The following DGCR8 variants were observed in gnomAD, a reference collection of about 807,000 sequenced individuals.
DGCR8 encodes the protein microprocessor complex subunit DGCR8.
DGCR8 carries 14 observed loss-of-function variants against 78.5 expected under a neutral mutation model. That is an observed-to-expected ratio of 0.18 (90% CI 0.12 to 0.28). The LOEUF is 0.28. Among genes scored for constraint, DGCR8 ranks in the 10% least tolerant of loss-of-function variants. The pLI, the probability that DGCR8 is intolerant of heterozygous loss-of-function variation, is 1.00. For synonymous variants in DGCR8, 399 were observed against 402.4 expected (o/e 0.99, Z 0.10); for missense variants, 702 against 1,022.5 (o/e 0.69, Z 4.28).
chr22:20,101,486 G>A, intron 9 of DGCR8: 17 of 804,500 alleles, frequency 2.1e-5, no homozygotes, highest in Non-Finnish European at 2.6e-5. Context: ...GCTGAGGCAG[G>A]AGAATGGCGT....
rs190768435 is a variant in DGCR8, at chr22:20,089,876, A to T, written c.1023+65A>T. The T allele has an allele frequency of 6.3e-7, 1 of 1,599,378 alleles. No individual in the cohort carries two copies. Among genetic ancestry groups the T allele is most frequent in the East Asian group, 2.2e-5 (1 of 44,672 alleles). ...CTCAGACCAAAACGTGCACATCCAC[A>T]CACATGGCACCGCAGCCAAGCAGAG... On this transcript the variant is annotated intron_variant, in intron 4 of 13. Coordinates refer to ENST00000351989, the MANE Select transcript of DGCR8 (RefSeq NM_022720.7). This position sits in a 1 kb window ranked among gnomAD's most constrained non-coding sequence, Gnocchi z 4.9.
At position 20,086,923 on chromosome 22, in the gene DGCR8, G is replaced by C; in HGVS notation, c.721-239G>C. The C allele has an allele frequency of 1.4e-6, 1 of 726,386 alleles. No homozygotes were observed. The highest frequency in any genetic ancestry group is 2.2e-6 in the Non-Finnish European group (1 of 457,952). The allele number at this position is 726,386 out of a possible 1,614,324, so 45.0% of individuals were successfully genotyped here. On this transcript the variant is annotated intron_variant, in intron 2 of 13. Coordinates refer to ENST00000351989, the MANE Select transcript of DGCR8 (RefSeq NM_022720.7). This position sits in a 1 kb window ranked among gnomAD's most constrained non-coding sequence, Gnocchi z 6.4. Reference sequence around the variant, plus strand: ...CCCTGCATCCCTGATCTAGCGCGTGGGGCAGCAGGTGCTGCTGAGTTACGC... The same window carrying C: ...CCCTGCATCCCTGATCTAGCGCGTGCGGCAGCAGGTGCTGCTGAGTTACGC...
chr22:20,095,959 A>G (rs1030487220), intron 9 of DGCR8, among the ~76,000 whole-genome samples: 2 of 149,346 alleles, frequency 1.3e-5, no homozygotes, highest in African/African-American at 4.8e-5. Flanking sequence ...TGAGAATCTA[A>G]TGCTACTGCT....
chr22:20,081,449 A>G (rs1038334394), intron 1 of DGCR8, among the ~76,000 whole-genome samples: 1 of 152,218 alleles, frequency 6.6e-6, no homozygotes, highest in Non-Finnish European at 1.5e-5. Flanking sequence ...GTGTTTGGTC[A>G]GCTGGAGCAG....
intron 12 of DGCR8, chr22:20,107,643 A>C: frequency 1.9e-6 from 1 of 530,836 alleles, no homozygotes; most frequent in Non-Finnish European, 3.4e-6. Flanking sequence ...GGGCCCAGCT[A>C]TGTGGCTTGT....
rs191006280 is a variant in DGCR8 at position 20,111,657 on chromosome 22, C to T, written c.*1549C>T. ...GGGAGCCTCGCTGTGTCTTGCTGTT[C>T]CCAGGCACCACCACAGCAGGTGCTG... On this transcript the variant is annotated 3_prime_UTR_variant, in exon 14 of 14. Coordinates refer to ENST00000351989, the MANE Select transcript of DGCR8 (RefSeq NM_022720.7). 709 of 314,296 alleles carry T rather than the reference C, an allele frequency of 2.3e-3. No individual in the cohort carries two copies. Among genetic ancestry groups the T allele is most frequent in the Non-Finnish European group, 2.7e-3 (474 of 173,754 alleles). 19.5% of individuals were successfully genotyped at this position (314,296 alleles called of 1,614,324 possible).
intron 1 of DGCR8, 60 bp downstream of exon 1, chr22:20,080,443 A>G (rs1354948839): frequency 1.0e-6 from 1 of 978,556 alleles, no homozygotes. Flanking sequence ...GGCCTGCGCG[A>G]GGGCGCGCCC....
At chr22:20,081,493 A>T (rs2049417726) in intron 1 of DGCR8, among the ~76,000 whole-genome samples, 1 of 152,124 alleles carries the variant, frequency 6.6e-6, no homozygotes, top group South Asian at 2.1e-4. Flanking sequence ...CTCCCCTTTG[A>T]GCCCTTTGCG....
chr22:20,091,796 C>A, intron 6 of DGCR8, 73 bp from the exon 7 acceptor site: 1 of 1,506,662 alleles, frequency 6.6e-7, no homozygotes, highest in Non-Finnish European at 9.2e-7. Context: ...TAGTTACTGA[C>A]ATGGTAACAG....
chr22:20,091,406 A>G (rs2049558405), intron 5 of DGCR8, 29 bp from the exon 6 acceptor site: 11 of 1,611,812 alleles, frequency 6.8e-6, no homozygotes, highest in Non-Finnish European at 9.3e-6. Flanking sequence ...GAAGTTAAGT[A>G]ATTTGTTTCT....
intron 12 of DGCR8, chr22:20,108,597 C>G: frequency 3.2e-6 from 1 of 312,444 alleles, no homozygotes; most frequent in South Asian, 3.0e-5. Context: ...GCACCACGAG[C>G]ACCTCACCTC....
At chr22:20,098,005 TAATTGCA>T (rs2049650005) in intron 9 of DGCR8, among the ~76,000 whole-genome samples, 1 of 150,866 alleles carries the variant, frequency 6.6e-6, no homozygotes, top group African/African-American at 2.4e-5. Context: ...TGGGCACCTG[TAATTGCA>T]GCTACCCGGG....
chr22:20,108,804 GGGTC>G, intron 12 of DGCR8, 82 bp from the exon 13 acceptor site: 4 of 288,714 alleles, frequency 1.4e-5, no homozygotes, highest in Non-Finnish European at 1.8e-5. Context: ...CCTGCCTTCA[GGGTC>G]CCAGGCACAC....
Position 20,085,122 on chromosome 22 carries a change from A to T in DGCR8, c.-277-565A>T, listed in dbSNP as rs1315126218. 1.2e-6 allele frequency: 1 copy of T among 832,128 alleles called. No individual in the cohort carries two copies. Among genetic ancestry groups the T allele is most frequent in the Non-Finnish European group, 1.4e-6 (1 of 690,044 alleles). The allele number at this position is 832,128 out of a possible 1,614,324, so 51.5% of individuals were successfully genotyped here. On this transcript the variant is annotated intron_variant, in intron 1 of 13. Transcript: ENST00000351989. This position sits in a 1 kb window ranked among gnomAD's most constrained non-coding sequence, Gnocchi z 6.2. ...TCTGGTGACCTCAGCACGCTGCATC[A>T]CTGTCCCCGTCCACGTGCTACCCTG... is the stretch of plus-strand genomic sequence containing the variant.
chr22:20,111,287 G>T lies in DGCR8; in HGVS notation c.*1179G>T, dbSNP rs745512406. The T allele has an allele frequency of 2.5e-6, 1 of 398,786 alleles. No individual in the cohort carries two copies. Among genetic ancestry groups the T allele is most frequent in the Non-Finnish European group, 4.4e-6 (1 of 226,122 alleles). The allele number at this position is 398,786 out of a possible 1,614,324, so 24.7% of individuals were successfully genotyped here. ...GTGCAGAGTGCCGTGTGCTTGTGGT[G>T]CGCCATCTGAAGCAAGAGTCCAGCG... On this transcript the variant is annotated 3_prime_UTR_variant, in exon 14 of 14. Transcript: ENST00000351989.
At position 20,110,057 on chromosome 22, in the gene DGCR8, T is replaced by C. The variant is rs750484563; in HGVS notation, c.2271T>C (p.Ile757=). 7.2e-5 allele frequency: 116 copies of C among 1,613,406 alleles called. No homozygotes were observed. Among genetic ancestry groups the C allele is most frequent in the Admixed American group, 1.7e-4 (10 of 60,010 alleles). Residue 757 remains isoleucine (I), a synonymous_variant, in exon 14 of 14, where the codon ATT becomes ATC. Transcript: ENST00000351989. ...EETRKKPKMS[I]VASAQPGGEP... The stretch of plus-strand genomic sequence containing the variant: ...CTCGAAAGAAGCCCAAGATGTCCAT[T>C]GTGGCGTCCGCCCAGCCTGGCGGTG...
intron 8 of DGCR8, among the ~76,000 whole-genome samples, chr22:20,093,536 C>G (rs577078504): frequency 1.3e-5 from 2 of 152,276 alleles, no homozygotes; most frequent in African/African-American, 4.8e-5. Flanking sequence ...TGCTGTAGTG[C>G]TTGTTTGTTT....
rs1376084707 is a variant in DGCR8, at chr22:20,111,236, C to T, written c.*1128C>T. 7.5e-6 allele frequency: 3 copies of T among 398,776 alleles called. No individual in the cohort carries two copies. The highest frequency in any genetic ancestry group is 1.3e-5 in the Non-Finnish European group (3 of 226,086). The allele number at this position is 398,776 out of a possible 1,614,324, so 24.7% of individuals were successfully genotyped here. On this transcript the variant is annotated 3_prime_UTR_variant, in exon 14 of 14. Transcript: ENST00000351989. ...TGAGGCACCAGGGTGTGCTCAAAGGCTGGCCCTGGTGGTGGACTGGCACCT... is the reference window on the plus strand; with the variant it reads ...TGAGGCACCAGGGTGTGCTCAAAGGTTGGCCCTGGTGGTGGACTGGCACCT...
rs926771750 is a variant in DGCR8, at chr22:20,111,613, T to C, written c.*1505T>C. On this transcript the variant is annotated 3_prime_UTR_variant, in exon 14 of 14. Transcript: ENST00000351989. Reference sequence around the variant, plus strand: ...CCTGTGAACCAAAGCTTCGTGCACATGTGTTCCCCTAAAGGTTGGGGAGCC... The same window carrying C: ...CCTGTGAACCAAAGCTTCGTGCACACGTGTTCCCCTAAAGGTTGGGGAGCC... The C allele has an allele frequency of 7.9e-6, 3 of 379,456 alleles. No individual in the cohort carries two copies. Among genetic ancestry groups the C allele is most frequent in the Non-Finnish European group, 9.3e-6 (2 of 214,794 alleles). The allele number at this position is 379,456 out of a possible 1,614,324, so 23.5% of individuals were successfully genotyped here. A position where few individuals can be genotyped will look rare whatever the true frequency, so the allele number is the denominator to read the frequency against.
Sources: allele counts gnomAD v4.1 joint callset (sites outside exome capture counted in the v4.1 genomes callset), GRCh38; gene constraint gnomAD v4.1.1; non-coding constraint Gnocchi (gnomAD v3.1); transcripts MANE v1.5; gene names NCBI Gene and HGNC (gene_info 2026-07-23, HGNC 2026-07-21).